Variants in SCAF8 observed in about 807,000 individuals in gnomAD.
SCAF8 encodes SR-related and CTD-associated factor 8.
Under a neutral mutation model 140.5 loss-of-function variants are expected in SCAF8, and 23 were observed. That is an observed-to-expected ratio of 0.16 (90% confidence interval 0.12 to 0.23). The LOEUF (loss-of-function observed/expected upper bound fraction) is 0.23. SCAF8 is among the 10% of genes least tolerant of loss of function. The pLI, the probability that SCAF8 is intolerant of heterozygous loss-of-function variation, is 1.00. For missense variants in SCAF8, 1,397 were observed against 1,555.7 expected (o/e 0.90, Z 1.72); for synonymous variants, 575 against 528.9 (o/e 1.09, Z -1.20).
rs1218381863 is a variant in SCAF8, at chr6:154,833,244, A to G, written c.3665A>G (p.His1222Arg). ...GTTAATGGTGAAAATACAGAGAGACATGCTCAGCCACCACCTATACCAGTA... is the reference window on the plus strand; with the variant it reads ...GTTAATGGTGAAAATACAGAGAGACGTGCTCAGCCACCACCTATACCAGTA... Reference protein sequence around the residue: ...PQVNGENTERHAQPPPIPVQN... With the variant: ...PQVNGENTERRAQPPPIPVQN... Residue 1222 changes from histidine to arginine, a missense_variant, in exon 20 of 20, where the codon CAT (histidine) becomes CGT (arginine). Physicochemically the swap from His to Arg is conservative, Grantham distance 29. Coordinates refer to ENST00000367178, the MANE Select transcript of SCAF8 (RefSeq NM_014892.5). 1.2e-6 allele frequency: 2 copies of G among 1,614,056 alleles called. No individual in the cohort carries two copies. Among genetic ancestry groups the G allele is most frequent in the Non-Finnish European group, 8.5e-7 (1 of 1,179,990 alleles).
intron 17 of SCAF8, among the ~76,000 whole-genome samples, chr6:154,826,707 G>C (rs1027455122): frequency 9.2e-5 from 14 of 152,028 alleles, no homozygotes; most frequent in Non-Finnish European, 1.5e-4. Context: ...CATAGACTCG[G>C]TATCTAAAAT....
chr6:154,744,858 C>G (rs1414634613), intron 1 of SCAF8, among the ~76,000 whole-genome samples: 1 of 152,200 alleles, frequency 6.6e-6, no homozygotes, highest in Admixed American at 6.5e-5. Context: ...TGCTTTCTTA[C>G]TGTCTCTTCA....
chr6:154,768,615 T>G (rs1776649344), intron 1 of SCAF8, among the ~76,000 whole-genome samples: 1 of 152,224 alleles, frequency 6.6e-6, no homozygotes, highest in African/African-American at 2.4e-5. Flanking sequence ...TTGTAAATGA[T>G]AAACTAAAAT....
In SCAF8 at chr6:154,734,019, G is replaced by C. The variant is rs1582984600; in HGVS notation, c.30+89G>C. 6 of 1,424,366 alleles carry C rather than the reference G, an allele frequency of 4.2e-6. No individual in the cohort carries two copies. The East Asian group carries it at 1.7e-4, about 40-fold the overall frequency. 88.2% of individuals were successfully genotyped at this position (1,424,366 alleles called of 1,614,324 possible). A position where few individuals can be genotyped will look rare whatever the true frequency, so the allele number is the denominator to read the frequency against. On this transcript the variant is annotated intron_variant, in intron 1 of 19. Coordinates refer to ENST00000367178, the MANE Select transcript of SCAF8 (RefSeq NM_014892.5). ...GGGCCCGGAGGGTGGGCGCGGGCCT[G>C]CGGGTTTTTTAAGGGTGGGGTGAGC...
At chr6:154,742,410 T>C (rs1203602444) in intron 1 of SCAF8, among the ~76,000 whole-genome samples, 1 of 152,192 alleles carries the variant, frequency 6.6e-6, no homozygotes, top group African/African-American at 2.4e-5. Flanking sequence ...TATTGACATA[T>C]ATGCTATAGG....
At chr6:154,792,633 A>G (rs1777456961) in intron 4 of SCAF8, among the ~76,000 whole-genome samples, 190 bp from the exon 5 acceptor site, 1 of 152,192 alleles carries the variant, frequency 6.6e-6, no homozygotes, top group Non-Finnish European at 1.5e-5. Flanking sequence ...TATCCAAATT[A>G]ACATGTTTTC....
intron 17 of SCAF8, 105 bp downstream of exon 17, chr6:154,824,483 A>T: frequency 9.7e-7 from 1 of 1,027,682 alleles, no homozygotes; most frequent in Non-Finnish European, 1.4e-6. Flanking sequence ...AGACCTTAGC[A>T]TGCATAGCCT....
At chr6:154,765,019 G>A (rs1013176655) in intron 1 of SCAF8, among the ~76,000 whole-genome samples, 8 of 152,276 alleles carry the variant, frequency 5.3e-5, no homozygotes, top group African/African-American at 1.9e-4. Context: ...TGCTTGCTGT[G>A]TACCAGGCAT....
intron 1 of SCAF8, chr6:154,742,147 G>A (rs1287588097): frequency 3.4e-6 from 2 of 592,856 alleles, no homozygotes; most frequent in African/African-American, 3.7e-5. Flanking sequence ...ACTTAGAATA[G>A]ATTGGTAGTC....
intron 1 of SCAF8, among the ~76,000 whole-genome samples, chr6:154,749,458 T>G (rs537169956): frequency 1.3e-5 from 2 of 152,148 alleles, no homozygotes; most frequent in African/African-American, 4.8e-5. Flanking sequence ...TCCGCAACAT[T>G]AGATACCTAC....
intron 1 of SCAF8, among the ~76,000 whole-genome samples, chr6:154,755,621 C>G (rs1476907757): frequency 6.6e-6 from 1 of 152,164 alleles, no homozygotes; most frequent in Non-Finnish European, 1.5e-5. Context: ...TCAGTTTCCC[C>G]TTGCCTTCAG....
In SCAF8 at chr6:154,833,441, C is replaced by A. The variant is rs377011579; in HGVS notation, c.*46C>A. On this transcript the variant is annotated 3_prime_UTR_variant, in exon 20 of 20. Transcript: ENST00000367178. ...GATACCTTTTGTAAAGTTGTCATCT[C>A]TCTGTAATAGATAATGGCTGACTGG... 5.1e-6 allele frequency: 8 copies of A among 1,559,170 alleles called. No homozygotes were observed. Among genetic ancestry groups the A allele is most frequent in the Non-Finnish European group, 7.0e-6 (8 of 1,150,356 alleles).
intron 2 of SCAF8, 25 bp from the exon 3 acceptor site, chr6:154,777,976 A>G (rs1776965060): frequency 3.5e-6 from 5 of 1,428,910 alleles, no homozygotes; most frequent in South Asian, 1.2e-5. Context: ...TTTTAAAACC[A>G]TACTTCATTT....
intron 12 of SCAF8, among the ~76,000 whole-genome samples, chr6:154,814,426 G>A (rs1410748064): frequency 2.6e-5 from 4 of 152,206 alleles, no homozygotes; most frequent in Non-Finnish European, 2.9e-5. Context: ...ACAGCTTGCA[G>A]GGAAAGAACA....
intron 1 of SCAF8, among the ~76,000 whole-genome samples, chr6:154,734,536 C>G (rs1003576451): frequency 6.6e-6 from 1 of 152,176 alleles, no homozygotes; most frequent in Non-Finnish European, 1.5e-5. Flanking sequence ...TTACTCGCTC[C>G]TCTTCTAATC....
chr6:154,814,283 A>T (rs1233631097), intron 12 of SCAF8, among the ~76,000 whole-genome samples: 1 of 152,254 alleles, frequency 6.6e-6, no homozygotes, highest in Non-Finnish European at 1.5e-5. Context: ...GCATCACTGC[A>T]CTCCAGCCTG....
intron 14 of SCAF8, among the ~76,000 whole-genome samples, chr6:154,819,285 A>G (rs184856051): frequency 1.1e-4 from 16 of 152,310 alleles, no homozygotes; most frequent in Admixed American, 6.5e-4. Flanking sequence ...CTGGAATAAA[A>G]GATTTTTTCT....
intron 1 of SCAF8, among the ~76,000 whole-genome samples, chr6:154,772,749 G>A (rs148518093): frequency 7.2e-4 from 109 of 152,056 alleles, no homozygotes; most frequent in Admixed American, 1.8e-3. Context: ...TTAAACATTA[G>A]AGCCCTTTTT....
At chr6:154,746,175 C>T (rs1029992418) in intron 1 of SCAF8, among the ~76,000 whole-genome samples, 1 of 152,172 alleles carries the variant, frequency 6.6e-6, no homozygotes, top group Admixed American at 6.5e-5. Flanking sequence ...TTTAAGCCAC[C>T]GCACCCAGCT....
Sources: allele counts gnomAD v4.1 joint callset (sites outside exome capture counted in the v4.1 genomes callset), GRCh38; gene constraint gnomAD v4.1.1; transcripts MANE v1.5; gene names NCBI Gene and HGNC (gene_info 2026-07-23, HGNC 2026-07-21).